The following DOCK3 variants were observed in gnomAD, a reference collection of about 807,000 sequenced individuals.
DOCK3 encodes dedicator of cytokinesis protein 3.
A neutral mutation model predicts 265.6 loss-of-function variants in DOCK3; 60 were observed. The observed-to-expected ratio is 0.23, with a 90% CI of 0.18 to 0.28. The LOEUF is 0.28. Ranked by LOEUF, DOCK3 falls within the 10% of genes least tolerant of loss-of-function variation. The probability of loss-of-function intolerance (pLI) is 1.00; values close to 1 mark genes in which losing one functional copy is unlikely to be tolerated. For synonymous variants in DOCK3, 881 were observed against 938.0 expected (o/e 0.94, Z 1.11); for missense variants, 1,981 against 2,594.3 (o/e 0.76, Z 5.14).
chr3:50,908,319 G>C (rs913082094), intron 4 of DOCK3, among the ~76,000 whole-genome samples: 1 of 151,210 alleles, frequency 6.6e-6, no homozygotes. Flanking sequence ...GTGATGTTAG[G>C]CTGCTCATTT....
intron 12 of DOCK3, among the ~76,000 whole-genome samples, chr3:51,168,512 A>G (rs1217104208): frequency 6.6e-6 from 1 of 152,254 alleles, no homozygotes; most frequent in African/African-American, 2.4e-5. Context: ...TATTCAATAA[A>G]TGACACTGGG....
At chr3:51,241,310 C>T (rs531111977) in intron 21 of DOCK3, among the ~76,000 whole-genome samples, 59 of 152,268 alleles carry the variant, frequency 3.9e-4, no homozygotes, top group Middle Eastern at 3.4e-3. Flanking sequence ...CATGAGCTTC[C>T]CTTTGTAGGT....
At chr3:50,776,963 G>C (rs569246006) in intron 1 of DOCK3, among the ~76,000 whole-genome samples, 20 of 152,276 alleles carry the variant, frequency 1.3e-4, no homozygotes, top group African/African-American at 4.8e-4. Context: ...AAGATAAAAG[G>C]CACTTCTCAC....
At chr3:51,023,319 C>T (rs2079675937) in intron 5 of DOCK3, among the ~76,000 whole-genome samples, 1 of 151,532 alleles carries the variant, frequency 6.6e-6, no homozygotes, top group Non-Finnish European at 1.5e-5. Context: ...ATTCTTCCTT[C>T]TCCTTGTTCG....
Position 51,311,959 on chromosome 3 carries a change from T to G in DOCK3, c.3018-45T>G, listed in dbSNP as rs1383187051. The G allele has an allele frequency of 2.1e-6, 3 of 1,454,160 alleles. No homozygotes were observed. In the Admixed American group the frequency reaches 5.9e-5, roughly 29 times the overall value. The allele number at this position is 1,454,160 out of a possible 1,614,324, so 90.1% of individuals were successfully genotyped here. On this transcript the variant is annotated intron_variant, in intron 28 of 52. Transcript: ENST00000266037. Reference sequence around the variant, plus strand: ...GCTGATACCAAGCCATCAGATGCCATTGTTAGTCTTTTAATTCTGCCAATG... The same window carrying G: ...GCTGATACCAAGCCATCAGATGCCAGTGTTAGTCTTTTAATTCTGCCAATG...
At chr3:50,792,476 A>T (rs181589780) in intron 2 of DOCK3, among the ~76,000 whole-genome samples, 6 of 152,262 alleles carry the variant, frequency 3.9e-5, no homozygotes, top group African/African-American at 9.6e-5. Flanking sequence ...TCTGGAAAGG[A>T]CTTCCAATAC....
intron 5 of DOCK3, among the ~76,000 whole-genome samples, chr3:50,982,041 G>A (rs948004858): frequency 2.4e-4 from 37 of 151,972 alleles, no homozygotes; most frequent in Admixed American, 1.6e-3. Context: ...TAGAGATGAG[G>A]TTTCACTGTG....
chr3:50,921,241 GTTCAT>G (rs898922393), intron 4 of DOCK3, among the ~76,000 whole-genome samples: 4 of 152,128 alleles, frequency 2.6e-5, no homozygotes, highest in Non-Finnish European at 5.9e-5. Flanking sequence ...TGGAGGCTTT[GTTCAT>G]TTCTTTTTAC....
chr3:51,031,681 TATCCACCTCTAAATTC>T lies in DOCK3; in HGVS notation c.316-32764_316-32749del, dbSNP rs1205725603. Among the ~76,000 whole-genome samples the T allele has an allele frequency of 4.6e-5, 7 of 152,222 alleles. No homozygotes were observed. The East Asian group carries it at 1.3e-3, about 29-fold the overall frequency. ...CTTCCTGCTGTGTTTTGAATGTTTG[TATCCACCTCTAAATTC>T]ATGTCGAAACTTAAGCCCCAATGCA... is the stretch of plus-strand genomic sequence containing the variant. On this transcript the variant is annotated intron_variant, in intron 5 of 52. Coordinates refer to ENST00000266037, the MANE Select transcript of DOCK3 (RefSeq NM_004947.5).
At chr3:51,050,580 C>A (rs1317330305) in intron 5 of DOCK3, among the ~76,000 whole-genome samples, 2 of 152,118 alleles carry the variant, frequency 1.3e-5, no homozygotes, top group Non-Finnish European at 2.9e-5. Context: ...CTGCTGTCTG[C>A]AAGTTGGAAA....
chr3:51,225,784 CCAGT>C lies in DOCK3; in HGVS notation c.1377+18_1377+21del. ...GGAGAAATCTTGAAGGTAAGGCTTG[CCAGT>C]CAGTCATTTGGGTTGGAGGATAATC... On this transcript the variant is annotated intron_variant, in intron 15 of 52. Coordinates refer to ENST00000266037, the MANE Select transcript of DOCK3 (RefSeq NM_004947.5). 1 of 1,606,744 alleles carries C rather than the reference CCAGT, an allele frequency of 6.2e-7. No homozygotes were observed.
intron 32 of DOCK3, among the ~76,000 whole-genome samples, chr3:51,319,779 C>T (rs952035200): frequency 1.1e-4 from 17 of 151,720 alleles, no homozygotes; most frequent in African/African-American, 3.6e-4. Context: ...GCAGGATAAT[C>T]GCTTGAACCT....
chr3:50,872,860 A>G (rs970162740), intron 3 of DOCK3, among the ~76,000 whole-genome samples: 1 of 152,112 alleles, frequency 6.6e-6, no homozygotes, highest in Non-Finnish European at 1.5e-5. Flanking sequence ...ACTACCACCA[A>G]TATTTTAAGG....
intron 1 of DOCK3, among the ~76,000 whole-genome samples, chr3:50,707,500 A>T (rs975216810): frequency 6.6e-6 from 1 of 152,072 alleles, no homozygotes; most frequent in Non-Finnish European, 1.5e-5. Flanking sequence ...ATAGCCTAAT[A>T]CATCCCTGTA....
chr3:50,889,761 A>G (rs2048555192), intron 3 of DOCK3, among the ~76,000 whole-genome samples: 1 of 151,604 alleles, frequency 6.6e-6, no homozygotes, highest in Non-Finnish European at 1.5e-5. Context: ...CTAATCTACA[A>G]CTCTTTTAAA....
At chr3:51,311,883 C>A in intron 28 of DOCK3, 121 bp from the exon 29 acceptor site, 1 of 655,634 alleles carries the variant, frequency 1.5e-6, no homozygotes, top group South Asian at 2.6e-5. Flanking sequence ...ATAGTCACAT[C>A]TTACATGGGA....
intron 3 of DOCK3, among the ~76,000 whole-genome samples, chr3:50,857,323 G>GT (rs773334152): frequency 3.2e-4 from 48 of 152,206 alleles, no homozygotes; most frequent in Non-Finnish European, 4.6e-4. Flanking sequence ...TGCTTGGTAG[G>GT]TTTTTTATTA....
chr3:51,209,252 T>G (rs141616802), intron 13 of DOCK3, among the ~76,000 whole-genome samples: 143 of 152,306 alleles, frequency 9.4e-4, no homozygotes, highest in African/African-American at 3.3e-3. Flanking sequence ...CATCACACAC[T>G]TCTCTTTCTA....
At chr3:51,186,326 T>A (rs2087600328) in intron 12 of DOCK3, among the ~76,000 whole-genome samples, 1 of 152,118 alleles carries the variant, frequency 6.6e-6, no homozygotes, top group Admixed American at 6.5e-5. Flanking sequence ...AGAGATAATT[T>A]AGGGTATCTG....
Sources: allele counts gnomAD v4.1 joint callset (sites outside exome capture counted in the v4.1 genomes callset), GRCh38; gene constraint gnomAD v4.1.1; transcripts MANE v1.5; gene names NCBI Gene and HGNC (gene_info 2026-07-23, HGNC 2026-07-21).